Variants in PUF60 observed in about 807,000 individuals in gnomAD.
PUF60 encodes the protein poly(U) binding splicing factor 60.
PUF60 carries 10 observed loss-of-function variants against 61.8 expected under a neutral mutation model. The observed-to-expected ratio is 0.16, with a 90% CI of 0.10 to 0.27. The LOEUF (loss-of-function observed/expected upper bound fraction) is 0.27, where lower values mean the gene tolerates loss of function less well. Among genes scored for constraint, PUF60 ranks in the 10% least tolerant of loss-of-function variants. The pLI is 1.00. For missense variants in PUF60, 371 were observed against 754.0 expected (o/e 0.49, Z 5.95); for synonymous variants, 353 against 300.9 (o/e 1.17, Z -1.79).
At chr8:143,821,718 G>C (rs1235600265) in intron 3 of PUF60, 32 bp from the exon 4 acceptor site, 1 of 1,546,274 alleles carries the variant, frequency 6.5e-7, no homozygotes, top group Non-Finnish European at 8.7e-7. Context: ...AGCACTGGGG[G>C]CCCAGCCCAT....
intron 1 of PUF60, chr8:143,828,857 G>C (rs1023804854): frequency 2.2e-6 from 2 of 917,648 alleles, no homozygotes; most frequent in South Asian, 5.0e-5. Context: ...CCTTTCTACA[G>C]GTCCCGTCCC....
At chr8:143,824,252 AGGCGGGCG>A (rs574616059) in intron 2 of PUF60, 53 bp downstream of exon 2, 21 of 1,471,692 alleles carry the variant, frequency 1.4e-5, no homozygotes, top group African/African-American at 7.0e-5. Flanking sequence ...ACGCACAGGC[AGGCGGGCG>A]GGCGGGCGGG....
intron 4 of PUF60, 72 bp downstream of exon 4, chr8:143,821,525 G>T: frequency 7.6e-7 from 1 of 1,316,780 alleles, no homozygotes; most frequent in South Asian, 1.3e-5. Flanking sequence ...GGCCCAGGAG[G>T]AGGAAGAGCG....
intron 2 of PUF60, chr8:143,822,726 C>G: frequency 2.7e-6 from 1 of 368,340 alleles, no homozygotes; most frequent in South Asian, 2.0e-5. Flanking sequence ...AAATCCATCT[C>G]TAAGCTTTTT....
chr8:143,817,130 C>T lies in PUF60; in HGVS notation c.1160G>A (p.Arg387His), dbSNP rs762001392. ...PGVITGVTPA[R>H]PPIPVTIPSV... Reference sequence around the variant, plus strand: ...GGGGATGGTGACCGGGATAGGAGGACGGGCTGGGGTCACACCTGCAGGAAA... The same window carrying T: ...GGGGATGGTGACCGGGATAGGAGGATGGGCTGGGGTCACACCTGCAGGAAA... The change falls in exon 11 of 12, where the codon CGT (arginine) becomes CAT (histidine). Residue 387 changes from arginine (R) to histidine (H), a missense_variant. Arg to His is a conservative substitution (Grantham distance 29, BLOSUM62 0). Transcript: ENST00000526683. The surrounding 1 kb of genome is among the most constrained non-coding windows in gnomAD (Gnocchi z 7.4). The T allele has an allele frequency of 6.9e-6, 11 of 1,604,276 alleles. No individual in the cohort carries two copies. The highest frequency in any genetic ancestry group is 2.2e-5 in the East Asian group (1 of 44,692).
In PUF60 at chr8:143,817,988, C is replaced by T; in HGVS notation, c.691G>A (p.Ala231Thr). Residue 231 changes from alanine (A) to threonine (T), a missense_variant, in exon 8 of 12, where the codon GCC becomes ACC. Physicochemically the swap from Ala to Thr is moderately conservative, Grantham distance 58. This residue lies in a region of PUF60 where 31 missense variants were observed against 80.6 expected (regional missense o/e 0.38). Transcript: ENST00000526683. This position sits in a 1 kb window ranked among gnomAD's most constrained non-coding sequence, Gnocchi z 7.4. ...EARAFNRIYV[A>T]SVHQDLSDDD... ...TCTGAGAGGTCCTGGTGCACAGAGG[C>T]CACGTAGATGCGGTTGAAGGCCCGT... 1.2e-6 allele frequency: 2 copies of T among 1,612,914 alleles called. No individual in the cohort carries two copies. Among genetic ancestry groups the T allele is most frequent in the Non-Finnish European group, 1.7e-6 (2 of 1,179,848 alleles).
At chr8:143,828,452 C>T (rs990085377) in intron 1 of PUF60, among the ~76,000 whole-genome samples, 4 of 152,228 alleles carry the variant, frequency 2.6e-5, no homozygotes, top group African/African-American at 9.6e-5. Flanking sequence ...CTTCATCGTG[C>T]ATGTGTTGTG....
At chr8:143,819,985 G>C (rs970126872) in intron 5 of PUF60, among the ~76,000 whole-genome samples, 1 of 152,222 alleles carries the variant, frequency 6.6e-6, no homozygotes, top group Non-Finnish European at 1.5e-5. Context: ...TCCCAGAGAA[G>C]GGTCCACATC....
At chr8:143,828,853 T>C in intron 1 of PUF60, 1 of 906,202 alleles carries the variant, frequency 1.1e-6, no homozygotes, top group South Asian at 5.1e-5. Flanking sequence ...GGCCCCTTTC[T>C]ACAGGTCCCG....
chr8:143,817,165 G>A lies in PUF60; in HGVS notation c.1145-20C>T. ...TCACACCTGCAGGAAAACCAACCAG[G>A]TCCATCAGTCACTCCCTACCACCCC... On this transcript the variant is annotated intron_variant, in intron 10 of 11. Coordinates refer to ENST00000526683, the MANE Select transcript of PUF60 (RefSeq NM_078480.3). The surrounding 1 kb of genome is among the most constrained non-coding windows in gnomAD (Gnocchi z 7.4). 1 of 1,569,728 alleles carries A rather than the reference G, an allele frequency of 6.4e-7. No homozygotes were observed. Among genetic ancestry groups the A allele is most frequent in the Non-Finnish European group, 8.6e-7 (1 of 1,156,666 alleles).
In PUF60 at chr8:143,828,838, C is replaced by A. The variant is rs570555505; in HGVS notation, c.24+442G>T. 9.9e-6 allele frequency: 8 copies of A among 806,040 alleles called. No individual in the cohort carries two copies. In the South Asian group the frequency reaches 3.9e-4, roughly 40 times the overall value. 49.9% of individuals were successfully genotyped at this position (806,040 alleles called of 1,614,324 possible). A position where few individuals can be genotyped will look rare whatever the true frequency, so the allele number is the denominator to read the frequency against. On this transcript the variant is annotated intron_variant, in intron 1 of 11. Transcript: ENST00000526683. The stretch of plus-strand genomic sequence containing the variant: ...AGCCAAGGCCGCCCCATGCTCTGAG[C>A]TGCAGGCCCCTTTCTACAGGTCCCG...
In PUF60 at chr8:143,816,633, A is replaced by T; in HGVS notation, c.1567T>A (p.Ser523Thr). The T allele has an allele frequency of 6.2e-7, 1 of 1,613,822 alleles. No homozygotes were observed. Among genetic ancestry groups the T allele is most frequent in the Non-Finnish European group, 8.5e-7 (1 of 1,179,850 alleles). ...GCCTGGATGGCCTTATGAGTCTCAG[A>T]GGCTATGGAAAACTCCACAAAGATC... ...VKIFVEFSIA[S>T]ETHKAIQALN... Residue 523 changes from serine to threonine, a missense_variant, in exon 12 of 12, where the codon TCT (serine) becomes ACT (threonine). Ser to Thr is a moderately conservative substitution (Grantham distance 58). This residue lies in a region of PUF60 where 19 missense variants were observed against 16.9 expected (regional missense o/e 1.12). Coordinates refer to ENST00000526683, the MANE Select transcript of PUF60 (RefSeq NM_078480.3).
intron 11 of PUF60, 38 bp downstream of exon 11, chr8:143,816,872 T>G: frequency 8.6e-6 from 4 of 464,300 alleles, no homozygotes; most frequent in Non-Finnish European, 9.5e-6. Flanking sequence ...CCCGCCCCCC[T>G]ACCCTCTCCC....
rs773730073 is a variant in PUF60 at position 143,818,172 on chromosome 8, G to A, written c.603+21C>T. On this transcript the variant is annotated intron_variant, in intron 7 of 11. Transcript: ENST00000526683. This position sits in a 1 kb window ranked among gnomAD's most constrained non-coding sequence, Gnocchi z 7.9. ...CAGCCCTGCACGCCTGCGGGATCGA[G>A]GCCTTGGCTCCCTGCCTCACCTTGA... 1.9e-6 allele frequency: 3 copies of A among 1,605,976 alleles called. No homozygotes were observed. The highest frequency in any genetic ancestry group is 2.5e-6 in the Non-Finnish European group (3 of 1,177,126).
chr8:143,818,575 G>T lies in PUF60; in HGVS notation c.349-41C>A. 1 of 1,524,492 alleles carries T rather than the reference G, an allele frequency of 6.6e-7. No individual in the cohort carries two copies. The highest frequency in any genetic ancestry group is 8.8e-7 in the Non-Finnish European group (1 of 1,132,692). 94.4% of individuals were successfully genotyped at this position (1,524,492 alleles called of 1,614,324 possible). Reference sequence around the variant, plus strand: ...GGGGAGAGAACCGCTGGCTCGTCAGGGGCGGCAGGAAGCTGGGCAGCCCAC... The same window carrying T: ...GGGGAGAGAACCGCTGGCTCGTCAGTGGCGGCAGGAAGCTGGGCAGCCCAC... On this transcript the variant is annotated intron_variant, in intron 5 of 11. Transcript: ENST00000526683. This position sits in a 1 kb window ranked among gnomAD's most constrained non-coding sequence, Gnocchi z 7.9.
chr8:143,827,228 C>CG (rs1817733032), intron 1 of PUF60: 1 of 369,888 alleles, frequency 2.7e-6, no homozygotes, highest in African/African-American at 2.1e-5. Flanking sequence ...CCATGGCAGC[C>CG]GGGGGCCTCT....
intron 1 of PUF60, among the ~76,000 whole-genome samples, chr8:143,825,336 A>G (rs2130400578): frequency 6.6e-6 from 1 of 152,310 alleles, no homozygotes; most frequent in South Asian, 2.1e-4. Context: ...GAGGAGGAGC[A>G]GCACCACCAG....
Position 143,818,678 on chromosome 8 carries a change from G to A in PUF60, c.349-144C>T, listed in dbSNP as rs1816663748. ...ACAGGGAGGTGCGGGCTCCATCCCT[G>A]CAGTCATAGTGTGGGGGTCGCAGGA... On this transcript the variant is annotated intron_variant, in intron 5 of 11. Transcript: ENST00000526683. The surrounding 1 kb of genome is among the most constrained non-coding windows in gnomAD (Gnocchi z 7.9). The A allele has an allele frequency of 1.1e-6, 1 of 895,120 alleles. No homozygotes were observed. Among genetic ancestry groups the A allele is most frequent in the Non-Finnish European group, 1.6e-6 (1 of 606,888 alleles). 55.4% of individuals were successfully genotyped at this position (895,120 alleles called of 1,614,324 possible).
At chr8:143,819,465 A>G (rs1345411741) in intron 5 of PUF60, among the ~76,000 whole-genome samples, 2 of 152,106 alleles carry the variant, frequency 1.3e-5, no homozygotes, top group Non-Finnish European at 2.9e-5. Context: ...AGACAGCTGG[A>G]GCCAGGCCCT....
Sources: gnomAD v4.1 joint callset for allele counts (sites outside exome capture counted in the v4.1 genomes callset) on GRCh38, gnomAD v4.1.1 for gene constraint, gnomAD v4.1.1 regional missense constraint, Gnocchi (gnomAD v3.1) non-coding constraint, MANE v1.5 for transcripts, NCBI Gene and HGNC (gene_info 2026-07-23, HGNC 2026-07-21) for gene names.